Variants in KCNIP2 observed in about 807,000 individuals in gnomAD.
The protein encoded by KCNIP2 is A-type potassium channel modulatory protein KCNIP2.
KCNIP2 carries 19 observed loss-of-function variants against 39.0 expected under a neutral mutation model. The ratio of observed to expected loss-of-function variants is 0.49; its 90% CI spans 0.34 to 0.71. The LOEUF (loss-of-function observed/expected upper bound fraction) is 0.71. Ranked by LOEUF, KCNIP2 falls within the 30% of genes least tolerant of loss-of-function variation. The pLI is 0.01. For missense variants in KCNIP2, 261 were observed against 346.0 expected (o/e 0.75, Z 1.95); for synonymous variants, 111 against 131.2 (o/e 0.85, Z 1.05).
At position 101,843,767 on chromosome 10, in the gene KCNIP2, C is replaced by T; in HGVS notation, c.-199G>A. On this transcript the variant is annotated 5_prime_UTR_variant, in exon 1 of 10. Coordinates refer to ENST00000356640, the MANE Select transcript of KCNIP2 (RefSeq NM_173191.3). The surrounding 1 kb of genome is among the most constrained non-coding windows in gnomAD (Gnocchi z 6.7). The stretch of plus-strand genomic sequence containing the variant: ...GAGCAGGAGAGGGAACACTAGGCAG[C>T]AGGTGAGCGCAGAGCCGGAGGCAGA... 1 of 378,164 alleles carries T rather than the reference C, an allele frequency of 2.6e-6. No homozygotes were observed. The highest frequency in any genetic ancestry group is 4.7e-6 in the Non-Finnish European group (1 of 212,674). 23.4% of individuals were successfully genotyped at this position (378,164 alleles called of 1,614,324 possible).
chr10:101,837,262 T>C (rs750895652), intron 1 of KCNIP2, among the ~76,000 whole-genome samples: 2 of 152,126 alleles, frequency 1.3e-5, no homozygotes, highest in Admixed American at 6.5e-5. Context: ...GAGTGAGTGA[T>C]AGTATACCCA....
rs2065821384 is a variant in KCNIP2 at position 101,828,357 on chromosome 10, C to T, written c.489+32G>A. 1.2e-6 allele frequency: 2 copies of T among 1,613,338 alleles called. No homozygotes were observed. Among genetic ancestry groups the T allele is most frequent in the South Asian group, 2.2e-5 (2 of 91,044 alleles). On this transcript the variant is annotated intron_variant, in intron 6 of 9. Coordinates refer to ENST00000356640, the MANE Select transcript of KCNIP2 (RefSeq NM_173191.3). This position sits in a 1 kb window ranked among gnomAD's most constrained non-coding sequence, Gnocchi z 6.6. ...GATCCTGGCCCTGAACTCCAGGAAA[C>T]AGGCTTCCCTGGCCCACCTCGCCCA...
At position 101,827,254 on chromosome 10, in the gene KCNIP2, G is replaced by A. The variant is rs536377847; in HGVS notation, c.*99C>T. 40 of 1,408,808 alleles carry A rather than the reference G, an allele frequency of 2.8e-5. No individual in the cohort carries two copies. The highest frequency in any genetic ancestry group is 7.8e-5 in the South Asian group (4 of 51,292). 87.3% of individuals were successfully genotyped at this position (1,408,808 alleles called of 1,614,324 possible). A position where few individuals can be genotyped will look rare whatever the true frequency, so the allele number is the denominator to read the frequency against. The stretch of plus-strand genomic sequence containing the variant: ...GGATCCCTCCAGCCCCCAGGGAGGC[G>A]TAGGATGAGGATAGACCTGGGAAGA... On this transcript the variant is annotated 3_prime_UTR_variant, in exon 10 of 10. Coordinates refer to ENST00000356640, the MANE Select transcript of KCNIP2 (RefSeq NM_173191.3).
chr10:101,833,057 C>A (rs1239610415), intron 1 of KCNIP2, among the ~76,000 whole-genome samples: 1 of 150,980 alleles, frequency 6.6e-6, no homozygotes, highest in African/African-American at 2.4e-5. Flanking sequence ...CTTACTGAAC[C>A]CTAGAGCAGG....
At chr10:101,839,844 T>A in intron 1 of KCNIP2, 6 of 1,595,114 alleles carry the variant, frequency 3.8e-6, no homozygotes, top group Non-Finnish European at 5.1e-6. Flanking sequence ...GGTTCATGGT[T>A]TGGCGGCGAG....
At chr10:101,842,049 GAAGACACATGCTC>G (rs563754778) in intron 1 of KCNIP2, among the ~76,000 whole-genome samples, 45 of 152,260 alleles carry the variant, frequency 3.0e-4, no homozygotes, top group African/African-American at 1.0e-3. Flanking sequence ...GGGGATGGGG[GAAGACACATGCTC>G]AAGGCACCTC....
chr10:101,839,963 C>T (rs568488647), intron 1 of KCNIP2: 3 of 863,770 alleles, frequency 3.5e-6, no homozygotes, highest in Non-Finnish European at 5.1e-6. Context: ...GGCATAGGAT[C>T]GAAACCCTGG....
At chr10:101,830,472 C>A (rs1427682396) in intron 2 of KCNIP2, 4 of 1,279,468 alleles carry the variant, frequency 3.1e-6, no homozygotes, top group Non-Finnish European at 4.1e-6. Flanking sequence ...CTACACAGGC[C>A]GCCACAGCTA....
At chr10:101,837,030 A>C (rs1458255035) in intron 1 of KCNIP2, among the ~76,000 whole-genome samples, 1 of 152,064 alleles carries the variant, frequency 6.6e-6, no homozygotes, top group Non-Finnish European at 1.5e-5. Context: ...CTGGGAGGCT[A>C]AGGTGGGGAG....
intron 3 of KCNIP2, 47 bp from the exon 4 acceptor site, chr10:101,829,246 A>T: frequency 6.4e-7 from 1 of 1,559,848 alleles, no homozygotes; most frequent in East Asian, 2.3e-5. Flanking sequence ...AGCCTCCGCG[A>T]CCCCTCTTCA....
chr10:101,831,061 G>A lies in KCNIP2; in HGVS notation c.169+11C>T. On this transcript the variant is annotated intron_variant, in intron 2 of 9. Transcript: ENST00000356640. Reference sequence around the variant, plus strand: ...GAGCCCCGCCCCCGGAAGCACATGAGAGGCACTTGCTTTCACTGACTGAGG... The same window carrying A: ...GAGCCCCGCCCCCGGAAGCACATGAAAGGCACTTGCTTTCACTGACTGAGG... 1 of 1,611,380 alleles carries A rather than the reference G, an allele frequency of 6.2e-7. No individual in the cohort carries two copies. The highest frequency in any genetic ancestry group is 8.5e-7 in the Non-Finnish European group (1 of 1,178,192).
chr10:101,837,650 A>G (rs1014933448), intron 1 of KCNIP2, among the ~76,000 whole-genome samples: 6 of 152,146 alleles, frequency 3.9e-5, no homozygotes, highest in Admixed American at 2.0e-4. Context: ...TGACTGAAAG[A>G]GCAAAACTCT....
chr10:101,837,163 G>A (rs998100618), intron 1 of KCNIP2, among the ~76,000 whole-genome samples: 1 of 152,088 alleles, frequency 6.6e-6, no homozygotes, highest in African/African-American at 2.4e-5. Flanking sequence ...TTGTGTCCTG[G>A]ATACTTTACA....
At chr10:101,835,976 T>C (rs1395062830) in intron 1 of KCNIP2, among the ~76,000 whole-genome samples, 1 of 152,214 alleles carries the variant, frequency 6.6e-6, no homozygotes, top group East Asian at 1.9e-4. Flanking sequence ...ACCACCACAC[T>C]ACACTGGCTC....
At chr10:101,840,098 C>T (rs1443167859) in intron 1 of KCNIP2, among the ~76,000 whole-genome samples, 2 of 151,662 alleles carry the variant, frequency 1.3e-5, no homozygotes, top group African/African-American at 4.9e-5. Flanking sequence ...CGGACTCAGC[C>T]TTCTCAGGGA....
chr10:101,836,274 C>CTTT (rs976487755), intron 1 of KCNIP2, among the ~76,000 whole-genome samples: 215 of 124,628 alleles, frequency 1.7e-3, no homozygotes, highest in Non-Finnish European at 2.6e-3. Flanking sequence ...TTTTTTTTCT[C>CTTT]TTTTTTTTTT....
chr10:101,831,190 G>T, intron 1 of KCNIP2, 23 bp from the exon 2 acceptor site: 1 of 1,543,324 alleles, frequency 6.5e-7, no homozygotes, highest in Non-Finnish European at 8.8e-7. Context: ...AAGACCCCAG[G>T]AAGGCACATT....
In KCNIP2 at chr10:101,826,724, G is replaced by A. The variant is rs1038563277; in HGVS notation, c.*629C>T. The A allele has an allele frequency of 2.0e-5, 3 of 152,278 alleles. No homozygotes were observed. The highest frequency in any genetic ancestry group is 7.2e-5 in the African/African-American group (3 of 41,442). 9.4% of individuals were successfully genotyped at this position (152,278 alleles called of 1,614,324 possible). On this transcript the variant is annotated 3_prime_UTR_variant, in exon 10 of 10. Coordinates refer to ENST00000356640, the MANE Select transcript of KCNIP2 (RefSeq NM_173191.3). Reference sequence around the variant, plus strand: ...GAGACAAGGTCTTCTGCAAAGCCTGGAAACTTATATTTTGATGGCCTGTGG... The same window carrying A: ...GAGACAAGGTCTTCTGCAAAGCCTGAAAACTTATATTTTGATGGCCTGTGG...
Position 101,838,692 on chromosome 10 carries a change from C to T in KCNIP2, c.73+4804G>A, listed in dbSNP as rs1263143274. ...GGTTGTATGCTCCCCAGAAGATTTC[C>T]AGGTATGGTTCTGGCTCAGGACCAT... is the stretch of plus-strand genomic sequence containing the variant. On this transcript the variant is annotated intron_variant, in intron 1 of 9. Transcript: ENST00000356640. The surrounding 1 kb of genome is among the most constrained non-coding windows in gnomAD (Gnocchi z 4.0). Among the ~76,000 whole-genome samples the T allele has an allele frequency of 1.3e-5, 2 of 152,198 alleles. No homozygotes were observed. Among genetic ancestry groups the T allele is most frequent in the Non-Finnish European group, 2.9e-5 (2 of 68,030 alleles).
Sources: allele counts gnomAD v4.1 joint callset (sites outside exome capture counted in the v4.1 genomes callset), GRCh38; gene constraint gnomAD v4.1.1; non-coding constraint Gnocchi (gnomAD v3.1); transcripts MANE v1.5; gene names NCBI Gene and HGNC (gene_info 2026-07-23, HGNC 2026-07-21).